CSMD2: variants seen among roughly 807,000 people sequenced by gnomAD.
CSMD2 encodes the protein CUB and Sushi multiple domains 2, also known as CUB and sushi domain-containing protein 2.
A neutral mutation model predicts 398.5 loss-of-function variants in CSMD2; 130 were observed. The observed-to-expected ratio is 0.33, with a 90% confidence interval of 0.28 to 0.38. The LOEUF (loss-of-function observed/expected upper bound fraction) is 0.38, where lower values mean the gene tolerates loss of function less well. Among genes scored for constraint, CSMD2 ranks in the 10% least tolerant of loss-of-function variants. The pLI is 1.00. For missense variants in CSMD2, 3,829 were observed against 4,764.9 expected (o/e 0.80, Z 5.78); for synonymous variants, 1,828 against 1,908.5 (o/e 0.96, Z 1.10).
At position 33,599,949 on chromosome 1, in the gene CSMD2, A is replaced by G. The variant is rs570409891; in HGVS notation, c.6856+916T>C. 26 of 593,166 alleles carry G rather than the reference A, an allele frequency of 4.4e-5. No individual in the cohort carries two copies. The South Asian group carries it at 5.3e-4, about 12-fold the overall frequency. 36.7% of individuals were successfully genotyped at this position (593,166 alleles called of 1,614,324 possible). On this transcript the variant is annotated intron_variant, in intron 44 of 70. Transcript: ENST00000373381. ...CAGATACTGTAGCAGATACTGCAGC[A>G]GATACTGCGGAGGCTGGGTTCTGTT...
At position 33,617,125 on chromosome 1, in the gene CSMD2, A is replaced by C. The variant is rs960778427; in HGVS notation, c.5947-150T>G. ...ACAGATCCACTGTGGGATGGGAGTG[A>C]GGTAGAGGGAGAGAGAATTTGGGGA... On this transcript the variant is annotated intron_variant, in intron 38 of 70. Transcript: ENST00000373381. The C allele has an allele frequency of 2.7e-5, 17 of 620,982 alleles. No homozygotes were observed. The Admixed American group carries it at 4.9e-4, about 18-fold the overall frequency. The allele number at this position is 620,982 out of a possible 1,614,324, so 38.5% of individuals were successfully genotyped here.
rs773143736 is a variant in CSMD2 at position 33,792,466 on chromosome 1, C to T, written c.1507G>A (p.Gly503Ser). The change falls in exon 11 of 71, where the codon GGT (glycine) becomes AGT (serine). Residue 503 changes from glycine to serine, a missense_variant. Coordinates refer to ENST00000373381, the MANE Select transcript of CSMD2 (RefSeq NM_001281956.2). ...LERGYDTLTV[G>S]DGGQDGDQKT... Reference sequence around the variant, plus strand: ...TGGTCCCCATCCTGACCACCATCACCGACCGTCAGGGTGTCATAGCCCCTC... The same window carrying T: ...TGGTCCCCATCCTGACCACCATCACTGACCGTCAGGGTGTCATAGCCCCTC... The T allele has an allele frequency of 5.6e-6, 9 of 1,613,808 alleles. No homozygotes were observed. The highest frequency in any genetic ancestry group is 6.8e-6 in the Non-Finnish European group (8 of 1,179,916).
chr1:33,885,249 C>T (rs1227326631), intron 5 of CSMD2: 1 of 152,104 alleles, frequency 6.6e-6, no homozygotes, highest in Non-Finnish European at 1.5e-5. Flanking sequence ...ACAACTCAGA[C>T]CTATTTCCAG....
intron 10 of CSMD2, among the ~76,000 whole-genome samples, chr1:33,797,028 G>A (rs938477818): frequency 3.9e-5 from 6 of 152,060 alleles, no homozygotes; most frequent in Non-Finnish European, 7.4e-5. Flanking sequence ...CTCTGCTCTC[G>A]AACCCTGTTT....
intron 24 of CSMD2, 58 bp downstream of exon 24, chr1:33,698,695 C>A (rs1645502726): frequency 6.7e-7 from 1 of 1,503,222 alleles, no homozygotes. Flanking sequence ...GAGACCAGGA[C>A]TAGAGCTTGG....
At chr1:33,825,192 CCCCACACTT>C (rs1269668609) in intron 7 of CSMD2, among the ~76,000 whole-genome samples, 3 of 152,140 alleles carry the variant, frequency 2.0e-5, no homozygotes, top group Non-Finnish European at 4.4e-5. Flanking sequence ...CAGGACCCAC[CCCCACACTT>C]CCCCAGTCCT....
At chr1:33,673,705 C>T (rs1043846379) in intron 25 of CSMD2, among the ~76,000 whole-genome samples, 1 of 152,146 alleles carries the variant, frequency 6.6e-6, no homozygotes, top group African/African-American at 2.4e-5. Context: ...TAAGGGCAGC[C>T]AGAGAGAAAG....
intron 5 of CSMD2, among the ~76,000 whole-genome samples, chr1:33,850,427 C>T (rs934359592): frequency 3.9e-5 from 6 of 152,196 alleles, no homozygotes; most frequent in Non-Finnish European, 5.9e-5. Context: ...GGATTTAAAT[C>T]CAGCCATCCC....
chr1:34,107,316 G>A (rs1660616734), intron 1 of CSMD2, among the ~76,000 whole-genome samples: 1 of 152,142 alleles, frequency 6.6e-6, no homozygotes, highest in Admixed American at 6.5e-5. Flanking sequence ...AGCACCCACT[G>A]TGTCCCAGTG....
intron 12 of CSMD2, among the ~76,000 whole-genome samples, chr1:33,778,545 A>G (rs1413737335): frequency 6.7e-6 from 1 of 149,782 alleles, no homozygotes; most frequent in Non-Finnish European, 1.5e-5. Context: ...GCAGGCATCC[A>G]TTATGTATTT....
chr1:34,017,606 G>A (rs1344118627), intron 3 of CSMD2, among the ~76,000 whole-genome samples: 3 of 152,120 alleles, frequency 2.0e-5, no homozygotes, highest in South Asian at 2.1e-4. Flanking sequence ...AAATTTAGCC[G>A]AGTATAGTGG....
chr1:33,678,247 C>A (rs1644785623), intron 25 of CSMD2, among the ~76,000 whole-genome samples: 1 of 151,154 alleles, frequency 6.6e-6, no homozygotes, highest in African/African-American at 2.4e-5. Flanking sequence ...AAAGGAGATG[C>A]TGGCACCATG....
chr1:33,950,061 C>T (rs570011850), intron 3 of CSMD2, among the ~76,000 whole-genome samples: 42 of 152,268 alleles, frequency 2.8e-4, no homozygotes, highest in Admixed American at 5.9e-4. Context: ...GAATTACCTT[C>T]CTTCCATCTC....
In CSMD2 at chr1:33,523,430, A is replaced by C. The variant is rs1444210918; in HGVS notation, c.10397-11T>G. 8.0e-7 allele frequency: 1 copy of C among 1,251,930 alleles called. No individual in the cohort carries two copies. The allele number at this position is 1,251,930 out of a possible 1,614,324, so 77.6% of individuals were successfully genotyped here. A position where few individuals can be genotyped will look rare whatever the true frequency, so the allele number is the denominator to read the frequency against. ...CTTTCTTGTAAGTTCCTGGGAAATA[A>C]AGTTCAGGTGTTACACATGAAAGAT... On this transcript the variant is annotated splice_polypyrimidine_tract_variant and intron_variant, in intron 66 of 70. Transcript: ENST00000373381.
chr1:33,586,074 G>C (rs1639065021), intron 46 of CSMD2, among the ~76,000 whole-genome samples: 1 of 152,196 alleles, frequency 6.6e-6, no homozygotes, highest in African/African-American at 2.4e-5. Context: ...TGGTACACTG[G>C]AATAAAGACT....
chr1:34,120,570 G>A (rs1282930407), intron 1 of CSMD2, among the ~76,000 whole-genome samples: 3 of 152,116 alleles, frequency 2.0e-5, no homozygotes, highest in Non-Finnish European at 4.4e-5. Context: ...TTGAGATTGA[G>A]TTTTGCTCTT....
intron 11 of CSMD2, among the ~76,000 whole-genome samples, chr1:33,791,160 A>G (rs148233108): frequency 8.8e-4 from 134 of 152,364 alleles, no homozygotes; most frequent in Admixed American, 2.8e-3. Flanking sequence ...CCAGAAGGAG[A>G]TATCCTGGAG....
chr1:33,864,779 C>T lies in CSMD2; in HGVS notation c.921-17783G>A, dbSNP rs769201668. Reference sequence around the variant, plus strand: ...GGATCCAGTTTGAAAAAACAAAATGCCATTCAACCGTATTTCCTGTTCCTG... The same window carrying T: ...GGATCCAGTTTGAAAAAACAAAATGTCATTCAACCGTATTTCCTGTTCCTG... On this transcript the variant is annotated intron_variant, in intron 5 of 70. Transcript: ENST00000373381. The T allele has an allele frequency of 5.1e-6, 8 of 1,557,848 alleles. No individual in the cohort carries two copies. In the South Asian group the frequency reaches 6.1e-5, roughly 12 times the overall value.
At chr1:34,023,476 A>G (rs2148121079) in intron 3 of CSMD2, among the ~76,000 whole-genome samples, 1 of 152,286 alleles carries the variant, frequency 6.6e-6, no homozygotes, top group South Asian at 2.1e-4. Context: ...AGGTCAGGAG[A>G]TGCAAGCAAT....
Sources: gnomAD v4.1 joint callset for allele counts (sites outside exome capture counted in the v4.1 genomes callset) on GRCh38, gnomAD v4.1.1 for gene constraint, MANE v1.5 for transcripts, NCBI Gene and HGNC (gene_info 2026-07-23, HGNC 2026-07-21) for gene names.